Variants in SLC13A3 observed in about 807,000 individuals in gnomAD.
SLC13A3 encodes solute carrier family 13 member 3, also known as Na(+)/dicarboxylate cotransporter 3.
Under a neutral mutation model 59.0 loss-of-function variants are expected in SLC13A3, and 40 were observed. The observed-to-expected ratio is 0.68, with a 90% CI of 0.53 to 0.88. The LOEUF is 0.88. Ranked by LOEUF, SLC13A3 falls within the 40% of genes least tolerant of loss-of-function variation. The pLI is 0.00. For synonymous variants in SLC13A3, 317 were observed against 330.3 expected, an observed-to-expected ratio of 0.96 and a Z score of 0.44; for missense variants, 699 against 783.2, an observed-to-expected ratio of 0.89 and a Z score of 1.28.
chr20:46,583,492 G>A, intron 9 of SLC13A3, 80 bp downstream of exon 9: 3 of 1,568,126 alleles, frequency 1.9e-6, no homozygotes, highest in Non-Finnish European at 2.6e-6. Flanking sequence ...GTGCAGTGGG[G>A]GGCTCCAGGC....
intron 1 of SLC13A3, among the ~76,000 whole-genome samples, chr20:46,630,618 G>A (rs1166763518): frequency 6.6e-6 from 1 of 152,156 alleles, no homozygotes; most frequent in Non-Finnish European, 1.5e-5. Flanking sequence ...TGCTTTTGTG[G>A]TTGTTTTCAG....
chr20:46,621,923 C>T (rs986566895), intron 1 of SLC13A3, among the ~76,000 whole-genome samples: 7 of 152,160 alleles, frequency 4.6e-5, no homozygotes, highest in South Asian at 2.1e-4. Flanking sequence ...CGTTTGACCA[C>T]GGATTGAAAT....
chr20:46,622,621 CGTGTGTGTGTGTGTGTGTGT>C (rs11469544), intron 1 of SLC13A3, among the ~76,000 whole-genome samples: 45 of 134,166 alleles, frequency 3.4e-4, no homozygotes, highest in East Asian at 1.9e-3. Flanking sequence ...GTGGTGTGTG[CGTGTGTGTGTGTGTGTGTGT>C]GTGTGTGTGT....
intron 1 of SLC13A3, among the ~76,000 whole-genome samples, chr20:46,630,200 T>C (rs1407951048): frequency 6.6e-6 from 1 of 152,254 alleles, no homozygotes; most frequent in African/African-American, 2.4e-5. Flanking sequence ...GCATTTATGT[T>C]TGTTTGACTG....
chr20:46,625,023 G>C (rs2062654019), intron 1 of SLC13A3, among the ~76,000 whole-genome samples: 1 of 152,158 alleles, frequency 6.6e-6, no homozygotes, highest in African/African-American at 2.4e-5. Context: ...ACAAGAGAAG[G>C]GTCTGCTGTA....
chr20:46,610,690 G>A (rs2062486115), intron 2 of SLC13A3, 81 bp from the exon 3 acceptor site: 1 of 1,177,042 alleles, frequency 8.5e-7, no homozygotes, highest in Admixed American at 2.3e-5. Context: ...CATCCCTGAG[G>A]AATACAATCC....
chr20:46,675,541 C>T (rs544510369), intron 1 of SLC13A3, among the ~76,000 whole-genome samples: 93 of 150,898 alleles, frequency 6.2e-4, no homozygotes, highest in African/African-American at 2.0e-3. Context: ...CAACCATGCC[C>T]GGCCCCTTTT....
At chr20:46,565,039 A>T (rs1489959784) in intron 11 of SLC13A3, among the ~76,000 whole-genome samples, 1 of 152,236 alleles carries the variant, frequency 6.6e-6, no homozygotes, top group Non-Finnish European at 1.5e-5. Flanking sequence ...TGCATCATTG[A>T]TTTAATTTTA....
chr20:46,613,447 T>C lies in SLC13A3; in HGVS notation c.377+13A>G. ...CTCTCCGCTGTAGGGCTGGAACCATTACCTGTTCTTACCTGGCCGGCTGGA... is the reference window on the plus strand; with the variant it reads ...CTCTCCGCTGTAGGGCTGGAACCATCACCTGTTCTTACCTGGCCGGCTGGA... On this transcript the variant is annotated intron_variant, in intron 2 of 12. Transcript: ENST00000279027. 1.9e-6 allele frequency: 3 copies of C among 1,568,106 alleles called. No homozygotes were observed. The highest frequency in any genetic ancestry group is 1.2e-5 in the South Asian group (1 of 82,220).
intron 1 of SLC13A3, among the ~76,000 whole-genome samples, chr20:46,681,323 C>T (rs900638205): frequency 6.6e-5 from 10 of 151,532 alleles, no homozygotes; most frequent in Non-Finnish European, 1.5e-4. Context: ...GCTAAGGTGG[C>T]GTTGAGTGAA....
In SLC13A3 at chr20:46,585,453, T is replaced by C. The variant is rs541272141; in HGVS notation, c.1122-1784A>G. The C allele has an allele frequency of 7.0e-6, 7 of 997,596 alleles. No individual in the cohort carries two copies. The African/African-American group carries it at 1.2e-4, about 17-fold the overall frequency. 61.8% of individuals were successfully genotyped at this position (997,596 alleles called of 1,614,324 possible). A position where few individuals can be genotyped will look rare whatever the true frequency, so the allele number is the denominator to read the frequency against. On this transcript the variant is annotated intron_variant, in intron 8 of 12. Transcript: ENST00000279027. ...GATTACAAATAATATGTTGACGTGA[T>C]CACATTTCTGTTAAAAAAATCTTCT...
intron 5 of SLC13A3, 108 bp from the exon 6 acceptor site, chr20:46,592,637 G>T: frequency 8.9e-7 from 1 of 1,128,776 alleles, no homozygotes; most frequent in South Asian, 1.4e-5. Flanking sequence ...GGAATGAGAG[G>T]GTCCCATGGA....
At chr20:46,615,724 C>T (rs763145409) in intron 1 of SLC13A3, among the ~76,000 whole-genome samples, 2 of 152,100 alleles carry the variant, frequency 1.3e-5, no homozygotes, top group Non-Finnish European at 2.9e-5. Flanking sequence ...AAACACATCC[C>T]GAGACTCTGC....
chr20:46,630,301 T>A (rs973722249), intron 1 of SLC13A3, among the ~76,000 whole-genome samples: 22 of 152,358 alleles, frequency 1.4e-4, no homozygotes, highest in African/African-American at 4.8e-4. Context: ...TCCCGCTTCA[T>A]GACAAGCGTC....
chr20:46,651,598 C>T (rs535157798), upstream of SLC13A3: 12 of 1,258,280 alleles, frequency 9.5e-6, no homozygotes, highest in Non-Finnish European at 1.0e-5. Context: ...GAAAGAGGCC[C>T]GGGAACGTTG....
rs1463843043 is a variant in SLC13A3, at chr20:46,651,313, T to C, written c.109A>G (p.Lys37Glu). 2 of 1,505,460 alleles carry C rather than the reference T, an allele frequency of 1.3e-6. No individual in the cohort carries two copies. Among genetic ancestry groups the C allele is most frequent in the South Asian group, 1.3e-5 (1 of 78,728 alleles). 93.3% of individuals were successfully genotyped at this position (1,505,460 alleles called of 1,614,324 possible). Residue 37 changes from lysine (K) to glutamate (E), a missense_variant and splice_region_variant, in exon 1 of 13, where the codon AAG becomes GAG. Physicochemically the swap from Lys to Glu is moderately conservative, Grantham distance 56. Coordinates refer to ENST00000279027, the MANE Select transcript of SLC13A3 (RefSeq NM_022829.6). ...LLPVVFALPP[K>E]EGRCLFVILL... The stretch of plus-strand genomic sequence containing the variant: ...CGCACAGGCGGAGGAGGCGTTACCT[T>C]GGGCGGGAGGGCGAAGACCACCGGC...
upstream of SLC13A3, among the ~76,000 whole-genome samples, chr20:46,656,422 T>TG: frequency 3.3e-5 from 1 of 30,094 alleles, no homozygotes; most frequent in African/African-American, 1.5e-4. Context: ...TTATACTGTA[T>TG]ATGATATACT....
intron 1 of SLC13A3, among the ~76,000 whole-genome samples, chr20:46,667,415 C>T (rs1365869912): frequency 6.6e-6 from 1 of 152,182 alleles, no homozygotes; most frequent in Non-Finnish European, 1.5e-5. Context: ...TGTTCCAGAA[C>T]CAGCTAAGAG....
At chr20:46,653,018 C>A (rs1019133898), upstream of SLC13A3, among the ~76,000 whole-genome samples, 2 of 152,156 alleles carry the variant, frequency 1.3e-5, no homozygotes, top group East Asian at 3.8e-4. Context: ...TGTTTAACAT[C>A]TTTTCACATG....
Sources: allele counts gnomAD v4.1 joint callset (sites outside exome capture counted in the v4.1 genomes callset), GRCh38; gene constraint gnomAD v4.1.1; transcripts MANE v1.5; gene names NCBI Gene and HGNC (gene_info 2026-07-23, HGNC 2026-07-21).